Variants in GNAL observed in about 807,000 individuals in gnomAD.
The protein encoded by GNAL is guanine nucleotide-binding protein G(olf) subunit alpha.
In GNAL, 18 loss-of-function variants were observed where a neutral mutation model predicts 55.1. That is an observed-to-expected ratio of 0.33 (90% CI 0.23 to 0.48). The LOEUF (loss-of-function observed/expected upper bound fraction) is 0.48. Ranked by LOEUF, GNAL falls within the 20% of genes least tolerant of loss-of-function variation. The pLI, the probability that GNAL is intolerant of heterozygous loss-of-function variation, is 0.99. For missense variants in GNAL, 412 were observed against 614.1 expected (o/e 0.67, Z 3.48); for synonymous variants, 253 against 237.0 (o/e 1.07, Z -0.62).
At chr18:11,693,033 A>G (rs2031302164) in intron 1 of GNAL, among the ~76,000 whole-genome samples, 1 of 149,558 alleles carries the variant, frequency 6.7e-6, no homozygotes, top group Admixed American at 6.6e-5. Context: ...GAATTTTTTT[A>G]AAGGGGGGAG....
chr18:11,750,342 T>C (rs1427338274), intron 1 of GNAL, among the ~76,000 whole-genome samples: 1 of 152,042 alleles, frequency 6.6e-6, no homozygotes, highest in Non-Finnish European at 1.5e-5. Context: ...GGGGGCGGTG[T>C]GTCTGGGGAC....
intron 4 of GNAL, among the ~76,000 whole-genome samples, chr18:11,760,305 C>G (rs2033199796): frequency 6.6e-6 from 1 of 152,182 alleles, no homozygotes; most frequent in South Asian, 2.1e-4. Flanking sequence ...TACAGCAAAA[C>G]AGCAACCACC....
chr18:11,764,979 T>C (rs1041927513), intron 4 of GNAL, among the ~76,000 whole-genome samples: 9 of 152,212 alleles, frequency 5.9e-5, no homozygotes, highest in Non-Finnish European at 1.2e-4. Context: ...ATAAAATCAG[T>C]TGATGTTCCT....
Position 11,752,478 on chromosome 18 carries a change from C to A in GNAL, c.377-375C>A, listed in dbSNP as rs752025845. On this transcript the variant is annotated intron_variant, in intron 1 of 11. Coordinates refer to ENST00000334049, the MANE Select transcript of GNAL (RefSeq NM_182978.4). This position sits in a 1 kb window ranked among gnomAD's most constrained non-coding sequence, Gnocchi z 4.5. ...ACAGCAAGACGACGGAAGACCAGGG[C>A]GTCGATGAAAAAGAACGACGCGAGG... 14 of 1,611,848 alleles carry A rather than the reference C, an allele frequency of 8.7e-6. No homozygotes were observed. In the South Asian group the frequency reaches 1.2e-4, roughly 14 times the overall value.
At chr18:11,797,819 A>C (rs1325483503) in intron 4 of GNAL, among the ~76,000 whole-genome samples, 1 of 151,820 alleles carries the variant, frequency 6.6e-6, no homozygotes, top group African/African-American at 2.4e-5. Context: ...TTTTTTTTCA[A>C]AACAGGCCCA....
chr18:11,718,648 A>G (rs1050832951), intron 1 of GNAL, among the ~76,000 whole-genome samples: 6 of 152,180 alleles, frequency 3.9e-5, no homozygotes, highest in African/African-American at 1.2e-4. Context: ...TTAGATCACA[A>G]GCATCTTCTA....
At chr18:11,867,610 C>G (rs1298340546) in intron 8 of GNAL, among the ~76,000 whole-genome samples, 1 of 151,098 alleles carries the variant, frequency 6.6e-6, no homozygotes, top group Admixed American at 6.6e-5. Flanking sequence ...GTCAGGAGAT[C>G]GAGACCATCC....
chr18:11,848,300 A>C (rs376917457), intron 5 of GNAL, among the ~76,000 whole-genome samples: 28 of 152,270 alleles, frequency 1.8e-4, no homozygotes, highest in Admixed American at 5.2e-4. Flanking sequence ...CCTTCTCTTC[A>C]GAATTCTAGT....
chr18:11,825,166 T>A, intron 5 of GNAL, 151 bp downstream of exon 5: 1 of 589,222 alleles, frequency 1.7e-6, no homozygotes, highest in Non-Finnish European at 3.0e-6. Context: ...ATGAGACATG[T>A]TTAGTAGATG....
Position 11,689,499 on chromosome 18 carries a change from C to A in GNAL, c.-65C>A. 1 of 800,608 alleles carries A rather than the reference C, an allele frequency of 1.2e-6. No homozygotes were observed. The highest frequency in any genetic ancestry group is 1.7e-6 in the Non-Finnish European group (1 of 597,562). The allele number at this position is 800,608 out of a possible 1,614,324, so 49.6% of individuals were successfully genotyped here. ...CGCCGGCCTGAACTGGGCGCGGGAACCAGGCCGCCCTCGGCGCCCAGCCTG... is the reference window on the plus strand; with the variant it reads ...CGCCGGCCTGAACTGGGCGCGGGAAACAGGCCGCCCTCGGCGCCCAGCCTG... On this transcript the variant is annotated 5_prime_UTR_variant, in exon 1 of 12. Transcript: ENST00000334049.
At chr18:11,867,063 A>G (rs2036279679) in intron 7 of GNAL, 105 bp from the exon 8 acceptor site, 2 of 844,020 alleles carry the variant, frequency 2.4e-6, no homozygotes, top group Non-Finnish European at 4.1e-6. Flanking sequence ...CTCAAGACCC[A>G]TGTGTGAACG....
rs535970238 is a variant in GNAL at position 11,772,897 on chromosome 18, T to TA, written c.624+18953dup. Among the ~76,000 whole-genome samples, 18 of 152,340 alleles carry TA rather than the reference T, an allele frequency of 1.2e-4. No homozygotes were observed. The South Asian group carries it at 3.7e-3, about 32-fold the overall frequency. On this transcript the variant is annotated intron_variant, in intron 4 of 11. Coordinates refer to ENST00000334049, the MANE Select transcript of GNAL (RefSeq NM_182978.4). Reference sequence around the variant, plus strand: ...TAAATGTCACCTGTCAGTCTCTCATTACAGTCCCTTACATCCCTGTCCTGC... The same window carrying TA: ...TAAATGTCACCTGTCAGTCTCTCATTAACAGTCCCTTACATCCCTGTCCTGC...
At chr18:11,786,436 CTTTTTTTTTTTTTTTTTTTTTT>C (rs66803403) in intron 4 of GNAL, among the ~76,000 whole-genome samples, 1 of 60,616 alleles carries the variant, frequency 1.6e-5, no homozygotes, top group Non-Finnish European at 2.8e-5. Flanking sequence ...CATACGTTTT[CTTTTTTTTTTTTTTTTTTTTTT>C]TTTTTTTTGA....
intron 5 of GNAL, among the ~76,000 whole-genome samples, chr18:11,858,300 T>G (rs2036055357): frequency 6.6e-6 from 1 of 152,252 alleles, no homozygotes. Context: ...ACTACTTCCT[T>G]ATAGTGTCTA....
At chr18:11,826,999 C>T (rs1314176507) in intron 5 of GNAL, among the ~76,000 whole-genome samples, 1 of 152,142 alleles carries the variant, frequency 6.6e-6, no homozygotes, top group Non-Finnish European at 1.5e-5. Context: ...CACAGCACAT[C>T]TGGGAGAGAG....
chr18:11,873,809 G>A (rs2036455435), intron 10 of GNAL, among the ~76,000 whole-genome samples: 1 of 152,184 alleles, frequency 6.6e-6, no homozygotes, highest in South Asian at 2.1e-4. Flanking sequence ...ACCGCCTCTT[G>A]CCACCTCCTG....
At chr18:11,756,144 C>T (rs117512937) in intron 4 of GNAL, among the ~76,000 whole-genome samples, 1,626 of 152,218 alleles carry the variant, frequency 0.011, 15 homozygotes, top group Non-Finnish European at 0.018. Context: ...GATGAGGCAT[C>T]CCATATTCAA....
At chr18:11,775,625 A>G (rs1212954052) in intron 4 of GNAL, among the ~76,000 whole-genome samples, 1 of 152,232 alleles carries the variant, frequency 6.6e-6, no homozygotes, top group African/African-American at 2.4e-5. Context: ...GAGAAGTACC[A>G]CGGACAGCAA....
intron 5 of GNAL, among the ~76,000 whole-genome samples, chr18:11,846,397 T>A (rs562890061): frequency 6.8e-6 from 1 of 147,506 alleles, no homozygotes; most frequent in South Asian, 2.1e-4. Context: ...TAAATCGACA[T>A]CATTTTTTTA....
Sources: gnomAD v4.1 joint callset for allele counts (sites outside exome capture counted in the v4.1 genomes callset) on GRCh38, gnomAD v4.1.1 for gene constraint, Gnocchi (gnomAD v3.1) non-coding constraint, MANE v1.5 for transcripts, NCBI Gene and HGNC (gene_info 2026-07-23, HGNC 2026-07-21) for gene names.